The following PSD2 variants were observed in gnomAD, a reference collection of about 807,000 sequenced individuals.
PSD2 encodes the protein pleckstrin and Sec7 domain containing 2.
Under a neutral mutation model 69.8 loss-of-function variants are expected in PSD2, and 38 were observed. The observed-to-expected ratio is 0.54, with a 90% confidence interval of 0.42 to 0.71. PSD2 has a LOEUF of 0.71. PSD2 is among the 30% of genes least tolerant of loss of function. The pLI is 0.00. For missense variants in PSD2, 943 were observed against 1,014.5 expected, an observed-to-expected ratio of 0.93 and a Z score of 0.96; for synonymous variants, 412 against 423.0, an observed-to-expected ratio of 0.97 and a Z score of 0.32.
rs759487121 is a variant in PSD2, at chr5:139,835,737, C to T, written c.1374C>T (p.Ser458=). The T allele has an allele frequency of 2.5e-6, 4 of 1,614,116 alleles. No individual in the cohort carries two copies. In the Admixed American group the frequency reaches 5.0e-5, roughly 20 times the overall value. ...AKDLLKTLYN[S]IKNEKLEWAI... ...CCCTCTCCCAGACCCTTTACAACTC[C>T]ATCAAGAATGAAAAGCTGGAATGGG... The change falls in exon 9 of 15, where the codon TCC becomes TCT. Residue 458 remains serine (S), a synonymous_variant. Transcript: ENST00000274710.
rs188078618 is a variant in PSD2, at chr5:139,799,768, T to A, written c.-51+3793T>A. ...GTTTGGGGGCCCTGCTGGGAGGGTG[T>A]TGCTGGGGGGTATCGGAGAAGGGGA... On this transcript the variant is annotated intron_variant, in intron 1 of 14. Transcript: ENST00000274710. Among the ~76,000 whole-genome samples the A allele has an allele frequency of 6.2e-3, 945 of 151,640 alleles. 5 individuals carry two copies. The highest frequency in any genetic ancestry group is 0.011 in the Non-Finnish European group (716 of 67,858).
intron 1 of PSD2, among the ~76,000 whole-genome samples, chr5:139,798,411 C>T (rs1759587053): frequency 2.0e-5 from 3 of 152,174 alleles, no homozygotes; most frequent in African/African-American, 4.8e-5. Context: ...TGGGCTGGCC[C>T]ACAGCTCTGC....
At chr5:139,767,698 T>C in the PSD2 span, among the ~76,000 whole-genome samples, 1 of 152,224 alleles carries the variant, frequency 6.6e-6, no homozygotes, top group African/African-American at 2.4e-5. Context: ...GCTGTAAAGA[T>C]TCAGTCAGAT....
In PSD2 at chr5:139,842,187, G is replaced by T. The variant is rs1229514904; in HGVS notation, c.2113-84G>T. On this transcript the variant is annotated intron_variant, in intron 14 of 14. Transcript: ENST00000274710. ...TTTGTGAAAGCTCTCTGCATATTAAGGAAATTAGTCTTTTGTCATATAAGG... is the reference window on the plus strand; with the variant it reads ...TTTGTGAAAGCTCTCTGCATATTAATGAAATTAGTCTTTTGTCATATAAGG... The T allele has an allele frequency of 2.1e-5, 23 of 1,116,402 alleles. No individual in the cohort carries two copies. In the East Asian group the frequency reaches 5.4e-4, roughly 26 times the overall value. 69.2% of individuals were successfully genotyped at this position (1,116,402 alleles called of 1,614,324 possible).
chr5:139,813,260 T>G (rs747331949), intron 2 of PSD2, 49 bp from the exon 3 acceptor site: 54 of 1,460,460 alleles, frequency 3.7e-5, no homozygotes, highest in Non-Finnish European at 4.8e-5. Context: ...CCAGCACCTG[T>G]ATGGGGGACA....
At chr5:139,768,547 AC>A in the PSD2 span, among the ~76,000 whole-genome samples, 17 of 151,156 alleles carry the variant, frequency 1.1e-4, no homozygotes, top group African/African-American at 4.1e-4. Flanking sequence ...ACATGGAGAA[AC>A]CCCCGTCTCT....
At chr5:139,784,780 G>T in the PSD2 span, among the ~76,000 whole-genome samples, 6 of 151,624 alleles carry the variant, frequency 4.0e-5, no homozygotes, top group East Asian at 9.7e-4. Flanking sequence ...TTTTGAGACG[G>T]AGTCTTGCTC....
chr5:139,768,582 G>C, the PSD2 span, among the ~76,000 whole-genome samples: 13 of 152,122 alleles, frequency 8.5e-5, no homozygotes, highest in Admixed American at 8.5e-4. Context: ...AATTAGCTGG[G>C]CTTGGTGGCG....
intron 7 of PSD2, among the ~76,000 whole-genome samples, chr5:139,826,001 C>T (rs1405383877): frequency 6.6e-6 from 1 of 152,156 alleles, no homozygotes; most frequent in Admixed American, 6.5e-5. Flanking sequence ...GAGTGTGTGG[C>T]ATCTCTGAAG....
chr5:139,765,840 C>A, the PSD2 span, among the ~76,000 whole-genome samples: 1 of 152,252 alleles, frequency 6.6e-6, no homozygotes, highest in South Asian at 2.1e-4. Context: ...CCACCGCCGC[C>A]GTCGTGGCTT....
chr5:139,821,765 T>C, intron 5 of PSD2, 128 bp from the exon 6 acceptor site: 1 of 550,224 alleles, frequency 1.8e-6, no homozygotes, highest in Non-Finnish European at 3.3e-6. Flanking sequence ...GGAGAGAGCA[T>C]CCAGACCCAG....
the PSD2 span, among the ~76,000 whole-genome samples, chr5:139,775,857 C>G: frequency 6.6e-6 from 1 of 152,148 alleles, no homozygotes; most frequent in Non-Finnish European, 1.5e-5. Flanking sequence ...TTAGTAGAGA[C>G]GGAGTTTCGC....
At position 139,813,726 on chromosome 5, in the gene PSD2, G is replaced by A. The variant is rs1013016138; in HGVS notation, c.789G>A (p.Glu263=). The A allele has an allele frequency of 6.2e-7, 1 of 1,610,088 alleles. No homozygotes were observed. Among genetic ancestry groups the A allele is most frequent in the Admixed American group, 1.7e-5 (1 of 59,826 alleles). ...CAGGGGGGGATGAGGATGATGATGA[G>A]GAGGACACGGACAAGTTGCTGAACT... The part of the protein sequence containing the change: ...QGPGGDEDDD[E]EDTDKLLNSA... Residue 263 remains glutamate (E), a synonymous_variant, in exon 3 of 15, where the codon GAG becomes GAA. Transcript: ENST00000274710.
chr5:139,766,518 C>T, the PSD2 span, among the ~76,000 whole-genome samples: 8 of 152,204 alleles, frequency 5.3e-5, no homozygotes, highest in Non-Finnish European at 1.2e-4. Flanking sequence ...GGAGCTAGAG[C>T]AGAAGGGACC....
chr5:139,818,405 G>A (rs1471678558), intron 5 of PSD2, among the ~76,000 whole-genome samples: 1 of 152,052 alleles, frequency 6.6e-6, no homozygotes, highest in Non-Finnish European at 1.5e-5. Context: ...AATTAGCCAG[G>A]TATGGTGGTG....
intron 5 of PSD2, among the ~76,000 whole-genome samples, chr5:139,820,085 C>A (rs924356687): frequency 6.6e-6 from 1 of 152,110 alleles, no homozygotes; most frequent in Non-Finnish European, 1.5e-5. Flanking sequence ...AGAGGCTCCA[C>A]AGAGGGAAGA....
At chr5:139,831,414 A>T (rs1181578040) in intron 7 of PSD2, among the ~76,000 whole-genome samples, 1 of 152,192 alleles carries the variant, frequency 6.6e-6, no homozygotes, top group Non-Finnish European at 1.5e-5. Context: ...TTTGAGTTTA[A>T]GTATATCAAG....
At chr5:139,776,511 G>C in the PSD2 span, among the ~76,000 whole-genome samples, 102 of 152,258 alleles carry the variant, frequency 6.7e-4, no homozygotes, top group African/African-American at 2.4e-3. Context: ...CAGAAAAAGA[G>C]GTCAATAAGA....
intron 4 of PSD2, 103 bp from the exon 5 acceptor site, chr5:139,817,378 G>T (rs541965198): frequency 8.5e-6 from 8 of 946,422 alleles, no homozygotes; most frequent in African/African-American, 6.5e-5. Context: ...GCAGGTCTAG[G>T]GGGTGGGTGG....
Sources: gnomAD v4.1 joint callset for allele counts (sites outside exome capture counted in the v4.1 genomes callset) on GRCh38, gnomAD v4.1.1 for gene constraint, MANE v1.5 for transcripts, NCBI Gene and HGNC (gene_info 2026-07-23, HGNC 2026-07-21) for gene names.